The following ELOVL6 variants were observed in gnomAD, a reference collection of about 807,000 sequenced individuals.
The protein encoded by ELOVL6 is very long chain fatty acid elongase 6.
ELOVL6 carries 8 observed loss-of-function variants against 31.7 expected under a neutral mutation model. The observed-to-expected ratio is 0.25, with a 90% CI of 0.15 to 0.45. The LOEUF is 0.45. Ranked by LOEUF, ELOVL6 falls within the 20% of genes least tolerant of loss-of-function variation. ELOVL6 has a pLI of 1.00. For missense variants in ELOVL6, 126 were observed against 326.4 expected (o/e 0.39, Z 4.73); for synonymous variants, 101 against 117.7 (o/e 0.86, Z 0.92).
intron 2 of ELOVL6, among the ~76,000 whole-genome samples, chr4:110,084,093 C>G (rs13119688): frequency 4.0e-5 from 3 of 75,888 alleles, no homozygotes; most frequent in African/African-American, 1.6e-4. Flanking sequence ...TGATATATAA[C>G]ATATATATGA....
At chr4:110,121,402 G>C (rs1489530096) in intron 1 of ELOVL6, among the ~76,000 whole-genome samples, 1 of 152,170 alleles carries the variant, frequency 6.6e-6, no homozygotes. Context: ...AAGAAGGTTT[G>C]TTTGTTTTTA....
At chr4:110,150,962 G>A (rs1210839534) in intron 1 of ELOVL6, among the ~76,000 whole-genome samples, 2 of 151,816 alleles carry the variant, frequency 1.3e-5, no homozygotes, top group Non-Finnish European at 2.9e-5. Context: ...AAAACTGCTT[G>A]AACCTGGGAG....
At position 110,048,691 on chromosome 4, in the gene ELOVL6, A is replaced by ATTTTG. The variant is rs1019243016; in HGVS notation, c.*2642_*2646dup. ...AGTGTATTGAACCTATATTACCAAAATTTTGTTTTGTTTTGTTTTGTTTTA... is the reference window on the plus strand; with the variant it reads ...AGTGTATTGAACCTATATTACCAAAATTTTGTTTTGTTTTGTTTTGTTTTGTTTTA... On this transcript the variant is annotated 3_prime_UTR_variant, in exon 4 of 4. Transcript: ENST00000302274. 1 of 136,222 alleles carries ATTTTG rather than the reference A, an allele frequency of 7.3e-6. No homozygotes were observed. The highest frequency in any genetic ancestry group is 1.5e-5 in the Non-Finnish European group (1 of 65,512). 8.4% of individuals were successfully genotyped at this position (136,222 alleles called of 1,614,324 possible).
chr4:110,089,015 G>A (rs1756345601), intron 2 of ELOVL6, among the ~76,000 whole-genome samples: 1 of 152,168 alleles, frequency 6.6e-6, no homozygotes, highest in South Asian at 2.1e-4. Context: ...CTAGAAGTGA[G>A]CTAGATCTTT....
intron 1 of ELOVL6, among the ~76,000 whole-genome samples, chr4:110,130,311 T>C (rs1757631959): frequency 6.6e-6 from 1 of 152,194 alleles, no homozygotes; most frequent in Admixed American, 6.5e-5. Flanking sequence ...TAACATGGAC[T>C]AGAACTAGCA....
At chr4:110,130,757 C>T (rs1757644275) in intron 1 of ELOVL6, among the ~76,000 whole-genome samples, 1 of 152,232 alleles carries the variant, frequency 6.6e-6, no homozygotes, top group Non-Finnish European at 1.5e-5. Flanking sequence ...ACAGTGCTTA[C>T]TCAGAAGCTC....
At chr4:110,125,929 A>G (rs542492798) in intron 1 of ELOVL6, among the ~76,000 whole-genome samples, 18 of 152,234 alleles carry the variant, frequency 1.2e-4, no homozygotes, top group Non-Finnish European at 2.1e-4. Flanking sequence ...ATAATAAAAA[A>G]TAAAACAATA....
intron 1 of ELOVL6, among the ~76,000 whole-genome samples, chr4:110,196,042 C>A (rs1035161666): frequency 3.3e-5 from 5 of 152,170 alleles, no homozygotes; most frequent in African/African-American, 1.2e-4. Flanking sequence ...TGAGACCTGT[C>A]TGGCTCAGTA....
chr4:110,087,818 A>AAC (rs377416459), intron 2 of ELOVL6, among the ~76,000 whole-genome samples: 6,393 of 148,630 alleles, frequency 0.043, 183 homozygotes, highest in Middle Eastern at 0.09. Flanking sequence ...AAAAAAAAAA[A>AAC]CCTCCTATTT....
intron 1 of ELOVL6, among the ~76,000 whole-genome samples, chr4:110,148,783 A>T (rs967323237): frequency 7.2e-5 from 11 of 152,218 alleles, no homozygotes; most frequent in Admixed American, 5.2e-4. Context: ...ACAAAAATTT[A>T]AAATAATTTT....
chr4:110,107,307 C>A (rs1756915627), intron 1 of ELOVL6, among the ~76,000 whole-genome samples: 1 of 152,136 alleles, frequency 6.6e-6, no homozygotes, highest in African/African-American at 2.4e-5. Context: ...CTTGGGCCCA[C>A]AAGACCTGGA....
intron 1 of ELOVL6, among the ~76,000 whole-genome samples, chr4:110,140,065 A>G (rs564890934): frequency 6.6e-6 from 1 of 152,304 alleles, no homozygotes; most frequent in Admixed American, 6.5e-5. Context: ...ACTGGCTGAC[A>G]TGCTTCTCAG....
At chr4:110,153,221 T>C (rs187031847) in intron 1 of ELOVL6, among the ~76,000 whole-genome samples, 9 of 152,256 alleles carry the variant, frequency 5.9e-5, no homozygotes, top group African/African-American at 2.2e-4. Flanking sequence ...ATAATAATAG[T>C]GAAAAGGGAA....
intron 2 of ELOVL6, among the ~76,000 whole-genome samples, chr4:110,099,472 TA>T (rs1172273355): frequency 6.6e-6 from 1 of 152,124 alleles, no homozygotes; most frequent in Non-Finnish European, 1.5e-5. Flanking sequence ...AGTCAAACTA[TA>T]AAGTGTAGAA....
At chr4:110,091,653 T>G (rs1396631023) in intron 2 of ELOVL6, among the ~76,000 whole-genome samples, 1 of 152,218 alleles carries the variant, frequency 6.6e-6, no homozygotes, top group African/African-American at 2.4e-5. Context: ...TGAAAATTTC[T>G]GCTCCAGTTC....
chr4:110,086,279 A>G (rs1392570525), intron 2 of ELOVL6, among the ~76,000 whole-genome samples: 2 of 152,166 alleles, frequency 1.3e-5, no homozygotes, highest in Non-Finnish European at 2.9e-5. Flanking sequence ...AAATTTCTTA[A>G]TCACCCAAGC....
intron 2 of ELOVL6, among the ~76,000 whole-genome samples, chr4:110,061,246 C>T (rs1755128792): frequency 6.6e-6 from 1 of 152,176 alleles, no homozygotes; most frequent in South Asian, 2.1e-4. Context: ...CCATTCTCCA[C>T]TCTCACCTCC....
intron 2 of ELOVL6, among the ~76,000 whole-genome samples, chr4:110,096,069 T>G (rs1285970486): frequency 6.6e-6 from 1 of 152,178 alleles, no homozygotes; most frequent in African/African-American, 2.4e-5. Context: ...AAATAAGAAT[T>G]TGTTAGCAGT....
At chr4:110,142,333 C>T (rs1343129396) in intron 1 of ELOVL6, among the ~76,000 whole-genome samples, 1 of 152,070 alleles carries the variant, frequency 6.6e-6, no homozygotes, top group Admixed American at 6.5e-5. Flanking sequence ...GCATAAGCCA[C>T]CGCACCCGGC....
Sources: gnomAD v4.1 joint callset for allele counts (sites outside exome capture counted in the v4.1 genomes callset) on GRCh38, gnomAD v4.1.1 for gene constraint, MANE v1.5 for transcripts, NCBI Gene and HGNC (gene_info 2026-07-23, HGNC 2026-07-21) for gene names.